FGF14: variants seen among roughly 807,000 people sequenced by gnomAD.
FGF14 encodes fibroblast growth factor 14.
FGF14 carries 5 observed loss-of-function variants against 25.5 expected under a neutral mutation model. The observed-to-expected ratio is 0.20, with a 90% CI of 0.10 to 0.41. The LOEUF is 0.41. Among genes scored for constraint, FGF14 ranks in the 10% least tolerant of loss-of-function variants. The pLI is 1.00. For synonymous variants in FGF14, 138 were observed against 118.3 expected (o/e 1.17, Z -1.08); for missense variants, 222 against 320.1 (o/e 0.69, Z 2.34).
chr13:102,128,655 A>G (rs2046051685), intron 1 of FGF14, among the ~76,000 whole-genome samples: 1 of 152,202 alleles, frequency 6.6e-6, no homozygotes, highest in African/African-American at 2.4e-5. Context: ...TGAAGCATGA[A>G]GCTCATTCTA....
At chr13:101,783,785 G>A (rs115517795) in intron 3 of FGF14, among the ~76,000 whole-genome samples, 2,208 of 152,156 alleles carry the variant, frequency 0.015, 54 homozygotes, top group African/African-American at 0.05. Context: ...TGCCTAGGTT[G>A]TCTTCTTTGG....
chr13:102,326,537 A>G (rs1360943824), intron 1 of FGF14, among the ~76,000 whole-genome samples: 1 of 151,620 alleles, frequency 6.6e-6, no homozygotes, highest in African/African-American at 2.4e-5. Flanking sequence ...GTACTTATCT[A>G]TTTATAAGTT....
At chr13:101,737,342 T>C (rs1016444385) in intron 3 of FGF14, among the ~76,000 whole-genome samples, 6 of 152,118 alleles carry the variant, frequency 3.9e-5, no homozygotes, top group Admixed American at 2.0e-4. Context: ...AAATATTTAG[T>C]TCTTTTATGT....
chr13:101,736,479 AT>A (rs1332117130), intron 3 of FGF14, among the ~76,000 whole-genome samples: 1 of 152,064 alleles, frequency 6.6e-6, no homozygotes, highest in Non-Finnish European at 1.5e-5. Flanking sequence ...CTGGGCTTTT[AT>A]TTTGTATATT....
At chr13:101,905,039 A>G (rs1738038981) in intron 1 of FGF14, among the ~76,000 whole-genome samples, 2 of 152,208 alleles carry the variant, frequency 1.3e-5, no homozygotes, top group African/African-American at 4.8e-5. Flanking sequence ...GGAAAGTCTA[A>G]GAGATGATGG....
At chr13:101,847,998 G>T (rs1376773115) in intron 3 of FGF14, among the ~76,000 whole-genome samples, 1 of 152,010 alleles carries the variant, frequency 6.6e-6, no homozygotes. Flanking sequence ...AGGTCTATTT[G>T]TCAACGCAAG....
intron 1 of FGF14, among the ~76,000 whole-genome samples, chr13:102,126,539 T>C (rs1305135243): frequency 1.3e-5 from 2 of 152,222 alleles, no homozygotes; most frequent in Admixed American, 6.5e-5. Context: ...GGAGAACAAG[T>C]ATCTGTTTTC....
At chr13:101,917,016 C>T (rs1415101522), upstream of FGF14, among the ~76,000 whole-genome samples, 1 of 151,686 alleles carries the variant, frequency 6.6e-6, no homozygotes, top group Non-Finnish European at 1.5e-5. Context: ...GCTGCCTTCT[C>T]GCCCTGCCCG....
At position 102,085,871 on chromosome 13, in the gene FGF14, T is replaced by C. The variant is rs151135490; in HGVS notation, c.209-210575A>G. Reference sequence around the variant, plus strand: ...TCTACCTTATATATGGAGGAAAATCTGAAGACAAAGGAATAAGGCATCTTA... The same window carrying C: ...TCTACCTTATATATGGAGGAAAATCCGAAGACAAAGGAATAAGGCATCTTA... On this transcript the variant is annotated intron_variant, in intron 1 of 4. Transcript: ENST00000376131. Among the ~76,000 whole-genome samples, 91 of 152,328 alleles carry C rather than the reference T, an allele frequency of 6.0e-4. 1 individual carries two copies. The East Asian group carries it at 0.015, about 25-fold the overall frequency.
At chr13:101,853,386 A>G (rs2043956824) in intron 3 of FGF14, among the ~76,000 whole-genome samples, 1 of 152,120 alleles carries the variant, frequency 6.6e-6, no homozygotes, top group Non-Finnish European at 1.5e-5. Flanking sequence ...TAGTGAAAGC[A>G]ATAATAATAT....
upstream of FGF14, among the ~76,000 whole-genome samples, chr13:101,920,642 T>C (rs570422448): frequency 1.1e-4 from 16 of 152,300 alleles, no homozygotes; most frequent in South Asian, 3.3e-3. Flanking sequence ...TTTTTCAATA[T>C]CAAAATATAT....
intron 1 of FGF14, among the ~76,000 whole-genome samples, chr13:101,939,567 C>T (rs9300705): frequency 0.26 from 40,112 of 152,048 alleles, 6,521 homozygotes; most frequent in East Asian, 0.52. Flanking sequence ...TGGGTTAATG[C>T]GAAATCCTAA....
intron 1 of FGF14, among the ~76,000 whole-genome samples, chr13:102,344,727 C>T (rs2057052148): frequency 6.6e-6 from 1 of 152,172 alleles, no homozygotes; most frequent in Non-Finnish European, 1.5e-5. Flanking sequence ...CATAGTCATG[C>T]ACATGAGGTT....
At chr13:102,398,702 A>G (rs1446401409) in intron 1 of FGF14, among the ~76,000 whole-genome samples, 1 of 151,996 alleles carries the variant, frequency 6.6e-6, no homozygotes, top group Non-Finnish European at 1.5e-5. Context: ...TTTTGGGATC[A>G]AAAACCTGCA....
intron 1 of FGF14, among the ~76,000 whole-genome samples, chr13:102,176,129 G>A (rs372006594): frequency 2.0e-5 from 3 of 152,046 alleles, no homozygotes; most frequent in Non-Finnish European, 4.4e-5. Context: ...TATGTTTATC[G>A]CTGCACTGTT....
At chr13:102,210,182 T>C (rs1165792003) in intron 1 of FGF14, among the ~76,000 whole-genome samples, 1 of 151,626 alleles carries the variant, frequency 6.6e-6, no homozygotes, top group Non-Finnish European at 1.5e-5. Flanking sequence ...ATTTTCATTA[T>C]AGAGAGGTAT....
At chr13:102,305,040 A>G (rs754586790) in intron 1 of FGF14, among the ~76,000 whole-genome samples, 12 of 152,232 alleles carry the variant, frequency 7.9e-5, no homozygotes, top group Non-Finnish European at 1.2e-4. Flanking sequence ...TACAAAATCC[A>G]TTTGTAAGGA....
chr13:102,119,928 TA>T (rs2140357883), intron 1 of FGF14, among the ~76,000 whole-genome samples: 1 of 152,268 alleles, frequency 6.6e-6, no homozygotes. Context: ...GTACTCTTAA[TA>T]AACTCCCATG....
chr13:102,114,606 G>C (rs1329228164), intron 1 of FGF14, among the ~76,000 whole-genome samples: 1 of 152,160 alleles, frequency 6.6e-6, no homozygotes, highest in Non-Finnish European at 1.5e-5. Flanking sequence ...AATCAACAGA[G>C]GAATGGATAA....
Sources: gnomAD v4.1 joint callset for allele counts (sites outside exome capture counted in the v4.1 genomes callset) on GRCh38, gnomAD v4.1.1 for gene constraint, MANE v1.5 for transcripts, NCBI Gene and HGNC (gene_info 2026-07-23, HGNC 2026-07-21) for gene names.